Variants in FOXP2 observed in about 807,000 individuals in gnomAD.
The protein encoded by FOXP2 is forkhead box P2, also known as forkhead box protein P2.
FOXP2 carries 12 observed loss-of-function variants against 115.8 expected under a neutral mutation model. The observed-to-expected ratio is 0.10, with a 90% confidence interval of 0.07 to 0.17. The LOEUF (loss-of-function observed/expected upper bound fraction) is 0.17. FOXP2 is among the 10% of genes least tolerant of loss of function. The probability of loss-of-function intolerance (pLI) is 1.00; values close to 1 mark genes in which losing one functional copy is unlikely to be tolerated. For missense variants in FOXP2, 629 were observed against 843.5 expected (o/e 0.75, Z 3.15); for synonymous variants, 328 against 297.7 (o/e 1.10, Z -1.05).
intron 16 of FOXP2, among the ~76,000 whole-genome samples, chr7:114,689,540 T>A (rs1747900082): frequency 6.6e-6 from 1 of 152,120 alleles, no homozygotes; most frequent in African/African-American, 2.4e-5. Context: ...GAAACGGATG[T>A]TTTACCTAAA....
At chr7:114,382,853 T>G (rs576245178) in intron 2 of FOXP2, among the ~76,000 whole-genome samples, 2 of 152,242 alleles carry the variant, frequency 1.3e-5, no homozygotes, top group South Asian at 4.2e-4. Flanking sequence ...GCAGTAGAAT[T>G]TTCTTCCTTT....
At chr7:114,548,385 C>G (rs977667675) in intron 3 of FOXP2, among the ~76,000 whole-genome samples, 2 of 152,164 alleles carry the variant, frequency 1.3e-5, no homozygotes, top group Non-Finnish European at 2.9e-5. Context: ...AGTTGGGGCT[C>G]TTTTGGTAGA....
intron 1 of FOXP2, among the ~76,000 whole-genome samples, chr7:114,183,113 CTGTG>C (rs1290837094): frequency 6.6e-6 from 1 of 151,944 alleles, no homozygotes; most frequent in African/African-American, 2.4e-5. Context: ...GTCTGTTGGG[CTGTG>C]TGTTTGCCAA....
chr7:114,532,924 G>A (rs1799209645), intron 2 of FOXP2, among the ~76,000 whole-genome samples: 1 of 151,932 alleles, frequency 6.6e-6, no homozygotes, highest in South Asian at 2.1e-4. Flanking sequence ...AATTAAAAGA[G>A]GAAAGATATA....
intron 2 of FOXP2, among the ~76,000 whole-genome samples, chr7:114,487,448 C>T (rs561302108): frequency 1.3e-5 from 2 of 152,218 alleles, no homozygotes; most frequent in East Asian, 3.9e-4. Flanking sequence ...CTCAACATGC[C>T]CTGGAGACAT....
At chr7:114,316,130 G>T (rs1797270153) in intron 2 of FOXP2, among the ~76,000 whole-genome samples, 1 of 152,134 alleles carries the variant, frequency 6.6e-6, no homozygotes, top group Admixed American at 6.5e-5. Flanking sequence ...AACTTCAGCT[G>T]GGTGTGTGCA....
intron 1 of FOXP2, among the ~76,000 whole-genome samples, chr7:114,165,399 A>G (rs1276856951): frequency 1.3e-5 from 2 of 152,222 alleles, no homozygotes; most frequent in Non-Finnish European, 2.9e-5. Context: ...CAATAACAAC[A>G]TAAACTCCTG....
intron 3 of FOXP2, among the ~76,000 whole-genome samples, chr7:114,622,353 T>C (rs908576746): frequency 1.3e-5 from 2 of 151,962 alleles, no homozygotes; most frequent in Non-Finnish European, 2.9e-5. Context: ...GCAATTATCA[T>C]GTCATATACT....
chr7:114,233,514 G>T (rs796796710), intron 1 of FOXP2, among the ~76,000 whole-genome samples: 1 of 152,228 alleles, frequency 6.6e-6, no homozygotes, highest in Non-Finnish European at 1.5e-5. Flanking sequence ...GTGCTTCCAT[G>T]AGGCCCTTCA....
intron 1 of FOXP2, among the ~76,000 whole-genome samples, chr7:114,231,826 GACACCAAAA>G (rs1323585445): frequency 1.3e-5 from 2 of 152,114 alleles, no homozygotes; most frequent in Non-Finnish European, 2.9e-5. Context: ...TTTTGGATAT[GACACCAAAA>G]ACACTGGCAA....
At chr7:114,385,745 CAGCTTTGG>C (rs1209853575) in intron 2 of FOXP2, among the ~76,000 whole-genome samples, 1 of 152,196 alleles carries the variant, frequency 6.6e-6, no homozygotes, top group African/African-American at 2.4e-5. Flanking sequence ...ATATTACTCA[CAGCTTTGG>C]ATGTCCCTTC....
intron 2 of FOXP2, among the ~76,000 whole-genome samples, chr7:114,315,496 T>C (rs1797254107): frequency 6.6e-6 from 1 of 152,136 alleles, no homozygotes; most frequent in Non-Finnish European, 1.5e-5. Context: ...TACTGTTGCA[T>C]GAAGTATTAT....
At chr7:114,551,216 C>G (rs1301389665) in intron 3 of FOXP2, among the ~76,000 whole-genome samples, 1 of 152,154 alleles carries the variant, frequency 6.6e-6, no homozygotes, top group African/African-American at 2.4e-5. Flanking sequence ...CTCAATCAAT[C>G]CATCAAAGAA....
At chr7:114,164,932 T>C (rs1055650288) in intron 1 of FOXP2, among the ~76,000 whole-genome samples, 13 of 151,422 alleles carry the variant, frequency 8.6e-5, no homozygotes, top group African/African-American at 3.2e-4. Flanking sequence ...ACTGCAGAAA[T>C]AAAAAGTTGA....
chr7:114,117,815 T>G (rs1267017564), intron 1 of FOXP2, among the ~76,000 whole-genome samples: 1 of 152,046 alleles, frequency 6.6e-6, no homozygotes, highest in African/African-American at 2.4e-5. Context: ...GAGATCAGAG[T>G]GCCAGCATGA....
chr7:114,398,406 C>CA, intron 2 of FOXP2, among the ~76,000 whole-genome samples: 1 of 151,852 alleles, frequency 6.6e-6, no homozygotes, highest in African/African-American at 2.4e-5. Context: ...AAGATATTTG[C>CA]AAAAAATGCA....
Position 114,461,890 on chromosome 7 carries a change from A to T in FOXP2, c.168+35211A>T, listed in dbSNP as rs993565872. Among the ~76,000 whole-genome samples the T allele has an allele frequency of 3.3e-5, 5 of 152,080 alleles. No homozygotes were observed. In the East Asian group the frequency reaches 9.6e-4, roughly 29 times the overall value. On this transcript the variant is annotated intron_variant, in intron 2 of 16. Coordinates refer to ENST00000350908, the MANE Select transcript of FOXP2 (RefSeq NM_014491.4). ...TGCCAATTTCTTTTAAATTCTTCAC[A>T]GATCTATTAAAAACAGTTTCTAGCT...
At chr7:114,496,448 C>T (rs1488243781) in intron 2 of FOXP2, among the ~76,000 whole-genome samples, 1 of 152,042 alleles carries the variant, frequency 6.6e-6, no homozygotes, top group East Asian at 1.9e-4. Context: ...CCAATCAGTG[C>T]ATTATATGTT....
At chr7:114,167,112 C>T (rs1381793976) in intron 1 of FOXP2, among the ~76,000 whole-genome samples, 1 of 152,150 alleles carries the variant, frequency 6.6e-6, no homozygotes, top group Non-Finnish European at 1.5e-5. Context: ...AAACGTAAGT[C>T]CACACAAAAA....
Sources: gnomAD v4.1 joint callset for allele counts (sites outside exome capture counted in the v4.1 genomes callset) on GRCh38, gnomAD v4.1.1 for gene constraint, MANE v1.5 for transcripts, NCBI Gene and HGNC (gene_info 2026-07-23, HGNC 2026-07-21) for gene names.